DACH1: variants seen among roughly 807,000 people sequenced by gnomAD.
The protein encoded by DACH1 is dachshund homolog 1.
A neutral mutation model predicts 54.2 loss-of-function variants in DACH1; 12 were observed. The ratio of observed to expected loss-of-function variants is 0.22; its 90% CI spans 0.14 to 0.36. The LOEUF is 0.36. Ranked by LOEUF, DACH1 falls within the 10% of genes least tolerant of loss-of-function variation. The probability of loss-of-function intolerance (pLI) is 1.00; values close to 1 mark genes in which losing one functional copy is unlikely to be tolerated. For missense variants in DACH1, 805 were observed against 929.8 expected (o/e 0.87, Z 1.75); for synonymous variants, 386 against 366.2 (o/e 1.05, Z -0.62).
intron 2 of DACH1, among the ~76,000 whole-genome samples, chr13:71,670,778 A>G (rs960544411): frequency 1.3e-5 from 2 of 152,094 alleles, no homozygotes; most frequent in Non-Finnish European, 2.9e-5. Context: ...TAGCTTCATC[A>G]CTTACAAGAT....
intron 6 of DACH1, among the ~76,000 whole-genome samples, chr13:71,508,467 C>CT (rs111879521): frequency 0.015 from 2,138 of 145,020 alleles, 24 homozygotes; most frequent in African/African-American, 0.034. Flanking sequence ...GTAAAAATTA[C>CT]TTTTTTTTTT....
At chr13:71,767,770 A>G (rs1027448877) in intron 1 of DACH1, among the ~76,000 whole-genome samples, 1 of 152,054 alleles carries the variant, frequency 6.6e-6, no homozygotes, top group East Asian at 1.9e-4. Flanking sequence ...CTAATCCATA[A>G]ACCATTTTCT....
intron 1 of DACH1, among the ~76,000 whole-genome samples, chr13:71,731,211 G>C (rs563179932): frequency 2.6e-5 from 4 of 151,480 alleles, no homozygotes; most frequent in Non-Finnish European, 5.9e-5. Context: ...CTAATGTTGA[G>C]TCTATTACTA....
At chr13:71,440,755 A>C in intron 10 of DACH1, 63 bp from the exon 11 acceptor site, 1 of 1,263,512 alleles carries the variant, frequency 7.9e-7, no homozygotes, top group Non-Finnish European at 1.1e-6. Context: ...TGTGCATGTA[A>C]AAATGATGTA....
chr13:71,608,568 A>G (rs1256581058), intron 3 of DACH1, among the ~76,000 whole-genome samples: 2 of 152,092 alleles, frequency 1.3e-5, no homozygotes, highest in African/African-American at 4.8e-5. Context: ...GTCCTCAAAT[A>G]TCAATAGATT....
At chr13:71,545,623 A>G (rs1883417684) in intron 6 of DACH1, among the ~76,000 whole-genome samples, 1 of 151,790 alleles carries the variant, frequency 6.6e-6, no homozygotes. Flanking sequence ...AACCTGTGAA[A>G]CATTCAACTA....
chr13:71,830,226 T>A (rs1183365595), intron 1 of DACH1, among the ~76,000 whole-genome samples: 1 of 151,878 alleles, frequency 6.6e-6, no homozygotes, highest in Non-Finnish European at 1.5e-5. Context: ...CTTATTTATA[T>A]AGGCAAAATT....
intron 1 of DACH1, among the ~76,000 whole-genome samples, chr13:71,799,536 G>A (rs567490985): frequency 5.9e-5 from 9 of 152,110 alleles, no homozygotes; most frequent in Non-Finnish European, 1.3e-4. Context: ...GCCACATGGG[G>A]CAATGACATT....
intron 6 of DACH1, among the ~76,000 whole-genome samples, chr13:71,500,596 T>A (rs1355344447): frequency 6.6e-6 from 1 of 152,194 alleles, no homozygotes; most frequent in Admixed American, 6.5e-5. Context: ...TCTTCATTTT[T>A]CAGATGAAAC....
intron 9 of DACH1, 22 bp downstream of exon 9, chr13:71,475,684 G>T: frequency 6.3e-7 from 1 of 1,588,570 alleles, no homozygotes; most frequent in Non-Finnish European, 8.5e-7. Context: ...AGTTATTCAT[G>T]CAATAATATA....
intron 10 of DACH1, among the ~76,000 whole-genome samples, chr13:71,457,403 TG>T (rs1593722730): frequency 1.3e-5 from 2 of 152,118 alleles, no homozygotes; most frequent in African/African-American, 4.8e-5. Context: ...CATAACACTA[TG>T]TATTTTTATC....
chr13:71,859,761 T>C (rs1426545885), intron 1 of DACH1, among the ~76,000 whole-genome samples: 3 of 151,940 alleles, frequency 2.0e-5, no homozygotes, highest in Admixed American at 2.0e-4. Flanking sequence ...AATAATTTGG[T>C]AAACTAACTA....
At chr13:71,480,141 C>A (rs1366271875) in intron 7 of DACH1, among the ~76,000 whole-genome samples, 1 of 152,090 alleles carries the variant, frequency 6.6e-6, no homozygotes, top group East Asian at 1.9e-4. Context: ...CCAGAAAGTG[C>A]CTACTATATA....
At chr13:71,616,496 C>T (rs1875777307) in intron 3 of DACH1, among the ~76,000 whole-genome samples, 1 of 152,024 alleles carries the variant, frequency 6.6e-6, no homozygotes, top group East Asian at 1.9e-4. Flanking sequence ...TCAGTAATCC[C>T]AACAATTTGG....
chr13:71,593,123 G>A (rs1175839910), intron 3 of DACH1, among the ~76,000 whole-genome samples: 9 of 152,066 alleles, frequency 5.9e-5, no homozygotes, highest in Admixed American at 5.2e-4. Context: ...AATTGAGCTG[G>A]GACAATGTAA....
chr13:71,661,794 T>C (rs1455188184), intron 2 of DACH1, among the ~76,000 whole-genome samples: 1 of 151,976 alleles, frequency 6.6e-6, no homozygotes, highest in Admixed American at 6.6e-5. Context: ...GAGATTTCCA[T>C]GCAATATGGT....
At chr13:71,584,591 T>G (rs191860682) in intron 3 of DACH1, among the ~76,000 whole-genome samples, 1 of 152,268 alleles carries the variant, frequency 6.6e-6, no homozygotes, top group East Asian at 1.9e-4. Context: ...GCTTAATTTT[T>G]GAACTGTGTC....
chr13:71,571,537 G>A lies in DACH1; in HGVS notation c.1299+1303C>T, dbSNP rs75192609. On this transcript the variant is annotated intron_variant, in intron 4 of 10. Coordinates refer to ENST00000613252, the MANE Select transcript of DACH1 (RefSeq NM_080759.6). Reference sequence around the variant, plus strand: ...TGATAACAATGTGGCACTCACTGGCGCTCTCTGAGGTGGTGATCTTTGAGT... The same window carrying A: ...TGATAACAATGTGGCACTCACTGGCACTCTCTGAGGTGGTGATCTTTGAGT... Among the ~76,000 whole-genome samples the A allele has an allele frequency of 5.6e-3, 850 of 152,196 alleles. 10 individuals carry two copies. The highest frequency in any genetic ancestry group is 0.018 in the African/African-American group (749 of 41,516).
At chr13:71,585,107 C>A (rs1007542705) in intron 3 of DACH1, among the ~76,000 whole-genome samples, 7 of 151,904 alleles carry the variant, frequency 4.6e-5, no homozygotes, top group African/African-American at 1.7e-4. Context: ...CTATTTTGTG[C>A]CAGGCACTGT....
Sources: gnomAD v4.1 joint callset for allele counts (sites outside exome capture counted in the v4.1 genomes callset) on GRCh38, gnomAD v4.1.1 for gene constraint, MANE v1.5 for transcripts, NCBI Gene and HGNC (gene_info 2026-07-23, HGNC 2026-07-21) for gene names.